The following ANP32A variants were observed in gnomAD, a reference collection of about 807,000 sequenced individuals.
ANP32A encodes acidic leucine-rich nuclear phosphoprotein 32 family member A.
Under a neutral mutation model 33.9 loss-of-function variants are expected in ANP32A, and 1 was observed. That is an observed-to-expected ratio of 0.03 (90% CI 0.01 to 0.14). The LOEUF is 0.14. Ranked by LOEUF, ANP32A falls within the 10% of genes least tolerant of loss-of-function variation. The pLI is 1.00. For synonymous variants in ANP32A, 115 were observed against 120.5 expected (o/e 0.95, Z 0.30); for missense variants, 155 against 306.0 (o/e 0.51, Z 3.68).
rs556972205 is a variant in ANP32A at position 68,783,848 on chromosome 15, G to A, written c.526+549C>T. On this transcript the variant is annotated intron_variant, in intron 4 of 6. Transcript: ENST00000465139. ...TGAGCACCTGAGCCTGTGCCCCTAG[G>A]TGTGGGGCTGTAGGCTGCAACCACC... 2.0e-5 allele frequency among the ~76,000 whole-genome samples: 3 copies of A among 152,258 alleles called. No homozygotes were observed. In the East Asian group the frequency reaches 5.8e-4, roughly 30 times the overall value.
intron 1 of ANP32A, chr15:68,791,203 C>T (rs188869572): frequency 1.2e-4 from 19 of 152,358 alleles, no homozygotes; most frequent in African/African-American, 4.3e-4. Context: ...CCCCTTTGTC[C>T]AGTCCCATTT....
intron 3 of ANP32A, among the ~76,000 whole-genome samples, chr15:68,786,322 C>T (rs79018349): frequency 2.1e-5 from 3 of 144,542 alleles, no homozygotes; most frequent in South Asian, 2.2e-4. Context: ...TGCAGTGACG[C>T]GATCTCAGCT....
intron 3 of ANP32A, among the ~76,000 whole-genome samples, chr15:68,785,717 C>T (rs935120451): frequency 3.3e-5 from 5 of 152,222 alleles, no homozygotes; most frequent in Admixed American, 2.6e-4. Flanking sequence ...CACTGAGACA[C>T]GTGTGATCTG....
Position 68,785,995 on chromosome 15 carries a change from A to T in ANP32A, c.328-1400T>A, listed in dbSNP as rs78950736. The stretch of plus-strand genomic sequence containing the variant: ...AAGCACATTCTACTAGTTGGCCCCA[A>T]TGCCATCGATGGACAGGTAAAGAGC... On this transcript the variant is annotated intron_variant, in intron 3 of 6. Coordinates refer to ENST00000465139, the MANE Select transcript of ANP32A (RefSeq NM_006305.4). Among the ~76,000 whole-genome samples, 649 of 152,326 alleles carry T rather than the reference A, an allele frequency of 4.3e-3. 5 individuals are homozygous for T. Among genetic ancestry groups the T allele is most frequent in the African/African-American group, 0.015 (619 of 41,578 alleles).
chr15:68,805,779 A>T (rs1894211711), intron 1 of ANP32A, among the ~76,000 whole-genome samples: 1 of 152,120 alleles, frequency 6.6e-6, no homozygotes, highest in African/African-American at 2.4e-5. Flanking sequence ...GCCTTCCTGG[A>T]CCACCCATCT....
intron 3 of ANP32A, among the ~76,000 whole-genome samples, chr15:68,784,951 T>G (rs1269349671): frequency 1.3e-5 from 2 of 152,180 alleles, no homozygotes; most frequent in African/African-American, 4.8e-5. Flanking sequence ...TTACTGCCTC[T>G]CCCTGAGACT....
chr15:68,809,525 G>C (rs1894284524), intron 1 of ANP32A, among the ~76,000 whole-genome samples: 1 of 152,118 alleles, frequency 6.6e-6, no homozygotes, highest in African/African-American at 2.4e-5. Flanking sequence ...TTTATAGGTA[G>C]TGTATGTGAA....
intron 1 of ANP32A, among the ~76,000 whole-genome samples, chr15:68,813,350 G>A (rs1894337463): frequency 6.6e-6 from 1 of 152,166 alleles, no homozygotes. Context: ...TGAGAAGGTG[G>A]CTCAGGGCCA....
chr15:68,784,723 G>A, intron 3 of ANP32A, 128 bp from the exon 4 acceptor site: 1 of 1,119,514 alleles, frequency 8.9e-7, no homozygotes, highest in Non-Finnish European at 1.3e-6. Context: ...TGATAAGGAA[G>A]CTTGGATTTG....
At chr15:68,785,759 C>T (rs773159922) in intron 3 of ANP32A, among the ~76,000 whole-genome samples, 1 of 152,174 alleles carries the variant, frequency 6.6e-6, no homozygotes, top group African/African-American at 2.4e-5. Context: ...TGAACATGAA[C>T]GTGCCTGAGT....
intron 1 of ANP32A, among the ~76,000 whole-genome samples, chr15:68,807,348 C>T (rs73429140): frequency 0.11 from 17,025 of 148,662 alleles, 1,992 homozygotes; most frequent in African/African-American, 0.29. Flanking sequence ...GCGCGACAGC[C>T]CCCACCCCAG....
chr15:68,807,635 CT>C (rs918882043), intron 1 of ANP32A, among the ~76,000 whole-genome samples: 62 of 152,304 alleles, frequency 4.1e-4, no homozygotes, highest in African/African-American at 1.5e-3. Flanking sequence ...CGGGTAGAAT[CT>C]AACCTTCAGG....
At chr15:68,783,694 G>A (rs3784359) in intron 4 of ANP32A, among the ~76,000 whole-genome samples, 11,061 of 152,234 alleles carry the variant, frequency 0.073, 578 homozygotes, top group East Asian at 0.3. Flanking sequence ...TGGTGGCAAG[G>A]GAGAAGGGGA....
At position 68,779,678 on chromosome 15, in the gene ANP32A, G is replaced by A. The variant is rs1330952384; in HGVS notation, c.*403C>T. 1.1e-5 allele frequency: 2 copies of A among 175,076 alleles called. No homozygotes were observed. Among genetic ancestry groups the A allele is most frequent in the Non-Finnish European group, 2.4e-5 (2 of 82,656 alleles). 10.8% of individuals were successfully genotyped at this position (175,076 alleles called of 1,614,324 possible). ...TGGTGCTCAGCCCCTCCTGGGCATT[G>A]AGTAACCAAACTGAGACCAGCCACA... On this transcript the variant is annotated 3_prime_UTR_variant, in exon 7 of 7. Transcript: ENST00000465139.
At chr15:68,808,574 G>A (rs1894270270) in intron 1 of ANP32A, among the ~76,000 whole-genome samples, 1 of 152,200 alleles carries the variant, frequency 6.6e-6, no homozygotes, top group Non-Finnish European at 1.5e-5. Flanking sequence ...CCATATCAGT[G>A]GACTCCCCTC....
chr15:68,786,850 A>T (rs1893939769), intron 3 of ANP32A, among the ~76,000 whole-genome samples: 1 of 152,132 alleles, frequency 6.6e-6, no homozygotes, highest in Non-Finnish European at 1.5e-5. Flanking sequence ...TCACTATCGC[A>T]ACAAGGACTG....
At chr15:68,808,751 T>C (rs1037608983) in intron 1 of ANP32A, among the ~76,000 whole-genome samples, 3 of 152,164 alleles carry the variant, frequency 2.0e-5, no homozygotes, top group African/African-American at 7.2e-5. Context: ...GCCTCCACCC[T>C]ATCACCCCCT....
In ANP32A at chr15:68,794,549, C is replaced by T. The variant is rs539490319; in HGVS notation, c.55-6630G>A. Reference sequence around the variant, plus strand: ...AATTGACCCTGTGTTTTTTGGTGCTCGTGGGTTTTAAATAGGTCAGCTTTT... The same window carrying T: ...AATTGACCCTGTGTTTTTTGGTGCTTGTGGGTTTTAAATAGGTCAGCTTTT... On this transcript the variant is annotated intron_variant, in intron 1 of 6. Coordinates refer to ENST00000465139, the MANE Select transcript of ANP32A (RefSeq NM_006305.4). Among the ~76,000 whole-genome samples the T allele has an allele frequency of 1.1e-3, 174 of 152,250 alleles. 1 individual carries two copies. Among genetic ancestry groups the T allele is most frequent in the African/African-American group, 4.0e-3 (165 of 41,540 alleles).
chr15:68,804,577 G>C (rs1894187786), intron 1 of ANP32A, among the ~76,000 whole-genome samples: 1 of 152,226 alleles, frequency 6.6e-6, no homozygotes, highest in Non-Finnish European at 1.5e-5. Context: ...TCTGTGGCCA[G>C]GCTGGAGTGT....
Sources: allele counts gnomAD v4.1 joint callset (sites outside exome capture counted in the v4.1 genomes callset), GRCh38; gene constraint gnomAD v4.1.1; transcripts MANE v1.5; gene names NCBI Gene and HGNC (gene_info 2026-07-23, HGNC 2026-07-21).